The following SPON1 variants were observed in gnomAD, a reference collection of about 807,000 sequenced individuals.
SPON1 encodes spondin-1.
In SPON1, 52 loss-of-function variants were observed where a neutral mutation model predicts 111.7. The ratio of observed to expected loss-of-function variants is 0.47; its 90% CI spans 0.37 to 0.59. The LOEUF (loss-of-function observed/expected upper bound fraction) is 0.59. SPON1 is among the 20% of genes least tolerant of loss of function. The pLI is 0.00. For synonymous variants in SPON1, 410 were observed against 395.8 expected, an observed-to-expected ratio of 1.04 and a Z score of -0.43; for missense variants, 957 against 1,068.5, an observed-to-expected ratio of 0.90 and a Z score of 1.46.
chr11:13,975,936 C>T (rs1848100160), intron 1 of SPON1, among the ~76,000 whole-genome samples: 1 of 152,168 alleles, frequency 6.6e-6, no homozygotes, highest in Admixed American at 6.5e-5. Context: ...TCACCACTCA[C>T]CACCATCACC....
intron 6 of SPON1, among the ~76,000 whole-genome samples, chr11:14,238,570 C>G (rs115827058): frequency 6.6e-6 from 1 of 152,134 alleles, no homozygotes; most frequent in African/African-American, 2.4e-5. Context: ...TTCTGTTCTG[C>G]TCAGACCACC....
rs115048572 is a variant in SPON1 at position 14,235,173 on chromosome 11, G to A, written c.826-8159G>A. ...GTCGATGAGTGTCACTTCACACTGC[G>A]CTGGCTCCATCCTAGGTCCAGGGAG... is the stretch of plus-strand genomic sequence containing the variant. On this transcript the variant is annotated intron_variant, in intron 6 of 15. Coordinates refer to ENST00000576479, the MANE Select transcript of SPON1 (RefSeq NM_006108.4). Among the ~76,000 whole-genome samples the A allele has an allele frequency of 7.9e-4, 121 of 152,294 alleles. 1 individual carries two copies. Among genetic ancestry groups the A allele is most frequent in the Middle Eastern group, 3.4e-3 (1 of 294 alleles).
intron 4 of SPON1, among the ~76,000 whole-genome samples, chr11:14,078,794 A>G (rs1848938072): frequency 6.6e-6 from 1 of 152,190 alleles, no homozygotes; most frequent in Non-Finnish European, 1.5e-5. Flanking sequence ...AGGACTCAGT[A>G]TTTTGTAGTT....
At chr11:14,265,474 C>T in intron 15 of SPON1, 50 bp from the exon 16 acceptor site, 1 of 1,572,314 alleles carries the variant, frequency 6.4e-7, no homozygotes, top group Non-Finnish European at 8.6e-7. Context: ...TTCAGCATCC[C>T]TGTTCCGTCC....
chr11:13,969,807 T>C (rs1848048564), intron 1 of SPON1, among the ~76,000 whole-genome samples: 1 of 152,180 alleles, frequency 6.6e-6, no homozygotes, highest in African/African-American at 2.4e-5. Flanking sequence ...TAGAAACGAA[T>C]TGGCATGTAT....
At chr11:13,964,492 C>T (rs955191495) in intron 1 of SPON1, among the ~76,000 whole-genome samples, 6 of 152,222 alleles carry the variant, frequency 3.9e-5, no homozygotes, top group African/African-American at 1.4e-4. Context: ...CTTCTTGGAG[C>T]GCTTTTCCCC....
At chr11:14,161,221 A>ATATATTTATATATATC (rs1564920154) in intron 6 of SPON1, among the ~76,000 whole-genome samples, 34 of 75,648 alleles carry the variant, frequency 4.5e-4, no homozygotes, top group East Asian at 2.7e-3. Context: ...ATATATATCT[A>ATATATTTATATATATC]TATATATTTA....
At chr11:14,095,379 C>T (rs1247679178) in intron 5 of SPON1, among the ~76,000 whole-genome samples, 1 of 151,042 alleles carries the variant, frequency 6.6e-6, no homozygotes, top group Non-Finnish European at 1.5e-5. Context: ...AGAAACAGAC[C>T]AACAGGAGAT....
chr11:14,265,704 C>T lies in SPON1; in HGVS notation c.*17C>T. The T allele has an allele frequency of 6.2e-7, 1 of 1,610,942 alleles. No homozygotes were observed. The highest frequency in any genetic ancestry group is 8.5e-7 in the Non-Finnish European group (1 of 1,178,516). ...CCTTGTTAGCAAGGGTACGAGTTCCCCAGGGCTGCACTCTAGATTCCAGAG... is the reference window on the plus strand; with the variant it reads ...CCTTGTTAGCAAGGGTACGAGTTCCTCAGGGCTGCACTCTAGATTCCAGAG... On this transcript the variant is annotated 3_prime_UTR_variant, in exon 16 of 16. Transcript: ENST00000576479.
chr11:13,983,475 G>A (rs1426030426), intron 2 of SPON1, among the ~76,000 whole-genome samples: 2 of 152,188 alleles, frequency 1.3e-5, no homozygotes, highest in African/African-American at 4.8e-5. Context: ...GTCTTTAAAT[G>A]TCAGTCCTCA....
chr11:14,187,203 A>G lies in SPON1; in HGVS notation c.825+51635A>G, dbSNP rs149556913. Among the ~76,000 whole-genome samples, 351 of 152,272 alleles carry G rather than the reference A, an allele frequency of 2.3e-3. 1 individual carries two copies. The highest frequency in any genetic ancestry group is 7.7e-3 in the African/African-American group (318 of 41,550). On this transcript the variant is annotated intron_variant, in intron 6 of 15. Coordinates refer to ENST00000576479, the MANE Select transcript of SPON1 (RefSeq NM_006108.4). ...GAACTAATAAGGTGAGAACTCACTC[A>G]TTACCTCAGGGAAGGCACTAAGCCA...
chr11:14,264,749 A>G (rs1027113955), intron 15 of SPON1, among the ~76,000 whole-genome samples: 2 of 152,220 alleles, frequency 1.3e-5, no homozygotes, highest in Non-Finnish European at 2.9e-5. Flanking sequence ...GGTTCTATAA[A>G]AGAGGAATCT....
intron 6 of SPON1, among the ~76,000 whole-genome samples, chr11:14,149,601 GAC>G (rs1847764791): frequency 6.6e-6 from 1 of 152,280 alleles, no homozygotes; most frequent in South Asian, 2.1e-4. Flanking sequence ...CTCACTGACT[GAC>G]ACAGAGTAAC....
intron 5 of SPON1, among the ~76,000 whole-genome samples, chr11:14,093,151 A>C (rs894531370): frequency 6.6e-6 from 1 of 152,218 alleles, no homozygotes; most frequent in Non-Finnish European, 1.5e-5. Context: ...AGTGGAGTTC[A>C]TGGACCTTAA....
chr11:14,180,870 G>T (rs1354797764), intron 6 of SPON1, among the ~76,000 whole-genome samples: 1 of 152,222 alleles, frequency 6.6e-6, no homozygotes, highest in Non-Finnish European at 1.5e-5. Flanking sequence ...CTGGTCCACA[G>T]CAGGGCTTAA....
At chr11:14,217,641 A>AT (rs1172056141) in intron 6 of SPON1, among the ~76,000 whole-genome samples, 7,732 of 147,302 alleles carry the variant, frequency 0.052, 611 homozygotes, top group African/African-American at 0.18. Context: ...AAAAACATGG[A>AT]TTTTTTTTTT....
chr11:14,102,388 C>A (rs1315024610), intron 5 of SPON1, among the ~76,000 whole-genome samples: 1 of 152,158 alleles, frequency 6.6e-6, no homozygotes, highest in Non-Finnish European at 1.5e-5. Flanking sequence ...TTTTAACATG[C>A]AATTCATATA....
intron 2 of SPON1, among the ~76,000 whole-genome samples, chr11:14,040,643 T>A (rs1449678356): frequency 2.0e-5 from 3 of 152,142 alleles, no homozygotes; most frequent in African/African-American, 7.2e-5. Context: ...AATATAGGTA[T>A]AATAATTTAA....
At chr11:14,158,259 T>G (rs1459770029) in intron 6 of SPON1, among the ~76,000 whole-genome samples, 1 of 152,188 alleles carries the variant, frequency 6.6e-6, no homozygotes, top group Non-Finnish European at 1.5e-5. Flanking sequence ...GGTTCCTCAC[T>G]TAAAGCCTGT....
Sources: allele counts gnomAD v4.1 joint callset (sites outside exome capture counted in the v4.1 genomes callset), GRCh38; gene constraint gnomAD v4.1.1; transcripts MANE v1.5; gene names NCBI Gene and HGNC (gene_info 2026-07-23, HGNC 2026-07-21).